The following DYTN variants were observed in gnomAD, a reference collection of about 807,000 sequenced individuals.
DYTN encodes dystrotelin.
A neutral mutation model predicts 69.6 loss-of-function variants in DYTN; 75 were observed. The ratio of observed to expected loss-of-function variants is 1.08; its 90% CI spans 0.89 to 1.31. DYTN has a LOEUF of 1.31. Among genes scored for constraint, DYTN ranks in the 50% most tolerant of loss-of-function variants. The pLI, the probability that DYTN is intolerant of heterozygous loss-of-function variation, is 0.00. For missense variants in DYTN, 726 were observed against 688.4 expected (o/e 1.05, Z -0.61); for synonymous variants, 252 against 249.1 (o/e 1.01, Z -0.11).
At chr2:206,717,434 C>A (rs1480585921) in intron 1 of DYTN, among the ~76,000 whole-genome samples, 1 of 152,194 alleles carries the variant, frequency 6.6e-6, no homozygotes, top group Non-Finnish European at 1.5e-5. Context: ...GGACTCTTCC[C>A]AGACCCACGG....
chr2:206,699,613 C>T (rs776064208), intron 7 of DYTN, 114 bp downstream of exon 7: 8 of 1,314,292 alleles, frequency 6.1e-6, no homozygotes, highest in Non-Finnish European at 8.0e-6. Context: ...CCAAAAAAGT[C>T]AACTGAATTT....
At chr2:206,678,075 T>C (rs939495623) in intron 9 of DYTN, among the ~76,000 whole-genome samples, 1 of 151,896 alleles carries the variant, frequency 6.6e-6, no homozygotes, top group African/African-American at 2.4e-5. Flanking sequence ...AGGAAATAAC[T>C]AGGAAGAAAG....
chr2:206,705,681 C>CA (rs1471765467), intron 4 of DYTN, 107 bp downstream of exon 4: 2 of 931,068 alleles, frequency 2.1e-6, no homozygotes, highest in Non-Finnish European at 3.2e-6. Flanking sequence ...ACACATAAGT[C>CA]ATGCTGAGTA....
At chr2:206,695,768 G>A (rs1002317267) in intron 7 of DYTN, among the ~76,000 whole-genome samples, 4 of 152,238 alleles carry the variant, frequency 2.6e-5, no homozygotes, top group Non-Finnish European at 5.9e-5. Context: ...TGCAGTGTGT[G>A]TGGTATAAAA....
At chr2:206,668,881 C>A (rs191904945) in intron 9 of DYTN, among the ~76,000 whole-genome samples, 2 of 152,104 alleles carry the variant, frequency 1.3e-5, no homozygotes, top group Non-Finnish European at 2.9e-5. Flanking sequence ...AAGCATCTGG[C>A]GTTTCCCCCG....
chr2:206,700,339 G>A (rs1232196352), intron 5 of DYTN, 123 bp from the exon 6 acceptor site: 6 of 1,020,164 alleles, frequency 5.9e-6, no homozygotes, highest in Non-Finnish European at 9.1e-6. Context: ...TCTGAGACGA[G>A]GTGAACTGTC....
intron 11 of DYTN, among the ~76,000 whole-genome samples, chr2:206,658,195 G>C (rs983109312): frequency 6.6e-6 from 1 of 151,654 alleles, no homozygotes; most frequent in Non-Finnish European, 1.5e-5. Flanking sequence ...CTATTGTTTG[G>C]TTCTTTTAAA....
intron 1 of DYTN, among the ~76,000 whole-genome samples, chr2:206,712,671 T>G (rs1394375602): frequency 6.6e-6 from 1 of 152,218 alleles, no homozygotes; most frequent in Non-Finnish European, 1.5e-5. Flanking sequence ...ACATGTTCCC[T>G]TAGCCACCCA....
At chr2:206,694,936 A>AAC (rs1467414639) in intron 7 of DYTN, 59 bp from the exon 8 acceptor site, 2 of 1,307,450 alleles carry the variant, frequency 1.5e-6, no homozygotes, top group African/African-American at 3.0e-5. Flanking sequence ...AAAAAAAAAA[A>AAC]AAGAATATCC....
At chr2:206,683,037 C>A (rs557893277) in intron 9 of DYTN, among the ~76,000 whole-genome samples, 9 of 152,086 alleles carry the variant, frequency 5.9e-5, no homozygotes, top group Non-Finnish European at 1.3e-4. Flanking sequence ...ACATAATCCC[C>A]TACACCAGGA....
At chr2:206,708,711 C>T (rs886202533) in intron 2 of DYTN, among the ~76,000 whole-genome samples, 38 of 152,280 alleles carry the variant, frequency 2.5e-4, no homozygotes, top group Admixed American at 8.5e-4. Context: ...GATGTGTCCC[C>T]GATCTTCCTA....
intron 9 of DYTN, among the ~76,000 whole-genome samples, chr2:206,680,088 C>T (rs13431981): frequency 0.087 from 13,159 of 152,080 alleles, 1,900 homozygotes; most frequent in African/African-American, 0.3. Context: ...AAGAAATACC[C>T]GAGATGGGGT....
intron 2 of DYTN, among the ~76,000 whole-genome samples, chr2:206,710,119 A>C (rs1700065940): frequency 6.6e-6 from 1 of 152,210 alleles, no homozygotes; most frequent in African/African-American, 2.4e-5. Flanking sequence ...TGAAAATGCA[A>C]ATCTTACGTG....
chr2:206,692,448 T>A (rs961688723), intron 9 of DYTN, among the ~76,000 whole-genome samples: 1 of 152,118 alleles, frequency 6.6e-6, no homozygotes, highest in Non-Finnish European at 1.5e-5. Flanking sequence ...CAATTTGGCA[T>A]TCTGAATTTC....
chr2:206,712,633 T>C (rs973846168), intron 1 of DYTN, among the ~76,000 whole-genome samples: 2 of 152,110 alleles, frequency 1.3e-5, no homozygotes, highest in African/African-American at 4.8e-5. Flanking sequence ...AGGTAGTATA[T>C]GATGTAGCAA....
At position 206,651,738 on chromosome 2, in the gene DYTN, A is replaced by G; in HGVS notation, c.*80T>C. 2 of 1,286,516 alleles carry G rather than the reference A, an allele frequency of 1.6e-6. No homozygotes were observed. The highest frequency in any genetic ancestry group is 1.9e-4 in the Middle Eastern group (1 of 5,286). The allele number at this position is 1,286,516 out of a possible 1,614,324, so 79.7% of individuals were successfully genotyped here. The stretch of plus-strand genomic sequence containing the variant: ...CACACTAAACTATTAAAAGAAAGGT[A>G]GAAGTCTTAATTCTTTTAATACAGT... On this transcript the variant is annotated 3_prime_UTR_variant, in exon 12 of 12. Coordinates refer to ENST00000452335, the MANE Select transcript of DYTN (RefSeq NM_001093730.1).
At chr2:206,654,895 C>T (rs1361238170) in intron 11 of DYTN, among the ~76,000 whole-genome samples, 1 of 152,192 alleles carries the variant, frequency 6.6e-6, no homozygotes, top group Non-Finnish European at 1.5e-5. Flanking sequence ...TGCTCTCGTA[C>T]ATATAAGATC....
chr2:206,705,530 C>A (rs757777238), intron 4 of DYTN, among the ~76,000 whole-genome samples: 35 of 152,210 alleles, frequency 2.3e-4, no homozygotes, highest in Admixed American at 5.2e-4. Context: ...TCCTCCCAGG[C>A]TTCAAACCAA....
Position 206,663,288 on chromosome 2 carries a change from C to G in DYTN, c.1248G>C (p.Gln416His), listed in dbSNP as rs779969051. ...EKVPKGGDYL[Q>H]IKNATEDAST... ...AAGCATCTTCAGTGGCATTCTTGAT[C>G]TGCAAATAATCCCCTCCCTTTGGAA... Residue 416 changes from glutamine (Q) to histidine (H), a missense_variant, in exon 11 of 12, where the codon CAG (glutamine) becomes CAC (histidine). Coordinates refer to ENST00000452335, the MANE Select transcript of DYTN (RefSeq NM_001093730.1). The G allele has an allele frequency of 3.7e-6, 6 of 1,614,030 alleles. No individual in the cohort carries two copies. The highest frequency in any genetic ancestry group is 1.7e-5 in the Admixed American group (1 of 60,020).
Sources: gnomAD v4.1 joint callset for allele counts (sites outside exome capture counted in the v4.1 genomes callset) on GRCh38, gnomAD v4.1.1 for gene constraint, MANE v1.5 for transcripts, NCBI Gene and HGNC (gene_info 2026-07-23, HGNC 2026-07-21) for gene names.